SPIRE1: variants seen among roughly 807,000 people sequenced by gnomAD.
SPIRE1 encodes spire type actin nucleation factor 1, also known as protein spire homolog 1.
In SPIRE1, 40 loss-of-function variants were observed where a neutral mutation model predicts 94.1. The observed-to-expected ratio is 0.43, with a 90% CI of 0.33 to 0.55. The LOEUF is 0.55. Among genes scored for constraint, SPIRE1 ranks in the 20% least tolerant of loss-of-function variants. The pLI, the probability that SPIRE1 is intolerant of heterozygous loss-of-function variation, is 0.06. For synonymous variants in SPIRE1, 376 were observed against 371.7 expected (o/e 1.01, Z -0.13); for missense variants, 838 against 975.2 (o/e 0.86, Z 1.87).
At chr18:12,565,835 A>C (rs1276202228) in intron 2 of SPIRE1, among the ~76,000 whole-genome samples, 1 of 151,570 alleles carries the variant, frequency 6.6e-6, no homozygotes, top group Non-Finnish European at 1.5e-5. Flanking sequence ...GAAGTACGAG[A>C]CCAGCCTGGC....
At chr18:12,526,092 C>CACACACACACACACAG (rs765621602) in intron 4 of SPIRE1, among the ~76,000 whole-genome samples, 2,200 of 148,822 alleles carry the variant, frequency 0.015, 37 homozygotes, top group Non-Finnish European at 0.023. Context: ...CACACACACA[C>CACACACACACACACAG]AGAGATGTAT....
At chr18:12,577,654 A>C (rs2036145514) in intron 2 of SPIRE1, among the ~76,000 whole-genome samples, 2 of 152,226 alleles carry the variant, frequency 1.3e-5, no homozygotes, top group Non-Finnish European at 2.9e-5. Flanking sequence ...AAAAGTTGAC[A>C]AATTAGAGTT....
chr18:12,472,800 C>T (rs2032415808), intron 10 of SPIRE1, among the ~76,000 whole-genome samples: 1 of 151,838 alleles, frequency 6.6e-6, no homozygotes, highest in Admixed American at 6.6e-5. Context: ...GCTAGGACTA[C>T]AGGTGTGCAC....
chr18:12,494,594 C>A (rs1049677770), intron 7 of SPIRE1, among the ~76,000 whole-genome samples: 1 of 151,800 alleles, frequency 6.6e-6, no homozygotes, highest in Admixed American at 6.6e-5. Context: ...CTTTGGGAGG[C>A]CGAGGTGGGC....
Position 12,658,088 on chromosome 18 carries a change from G to C in SPIRE1, c.-222C>G, listed in dbSNP as rs1374094980. On this transcript the variant is annotated 5_prime_UTR_variant, in exon 1 of 17. Transcript: ENST00000409402. Reference sequence around the variant, plus strand: ...GTCCCGGTCAGACAGCCGCCGGCCGGTAGCGACGCGATGGCGTCCGGCGCC... The same window carrying C: ...GTCCCGGTCAGACAGCCGCCGGCCGCTAGCGACGCGATGGCGTCCGGCGCC... The C allele has an allele frequency of 6.1e-6, 6 of 991,262 alleles. No homozygotes were observed. The highest frequency in any genetic ancestry group is 1.8e-5 in the African/African-American group (1 of 56,946). 61.4% of individuals were successfully genotyped at this position (991,262 alleles called of 1,614,324 possible). A position where few individuals can be genotyped will look rare whatever the true frequency, so the allele number is the denominator to read the frequency against.
At chr18:12,525,511 C>T (rs1598436137) in intron 4 of SPIRE1, among the ~76,000 whole-genome samples, 1 of 151,504 alleles carries the variant, frequency 6.6e-6, no homozygotes, top group African/African-American at 2.4e-5. Context: ...GAAAATTATA[C>T]CCCTGAAATT....
chr18:12,585,416 T>C (rs1304965295), intron 2 of SPIRE1, among the ~76,000 whole-genome samples: 1 of 152,166 alleles, frequency 6.6e-6, no homozygotes, highest in Non-Finnish European at 1.5e-5. Context: ...TTAAGAGATG[T>C]CGCAATGTCA....
intron 5 of SPIRE1, 56 bp downstream of exon 5, chr18:12,512,398 A>T: frequency 7.4e-7 from 1 of 1,354,184 alleles, no homozygotes; most frequent in South Asian, 1.3e-5. Context: ...AAAAAAAAAA[A>T]AAATTATACT....
chr18:12,491,110 G>A (rs954814075), intron 8 of SPIRE1, among the ~76,000 whole-genome samples: 4 of 151,764 alleles, frequency 2.6e-5, no homozygotes, highest in East Asian at 3.9e-4. Flanking sequence ...ATATCTAGGA[G>A]TAAATTTAAT....
intron 5 of SPIRE1, among the ~76,000 whole-genome samples, chr18:12,509,110 T>A (rs2033940351): frequency 6.6e-6 from 1 of 152,242 alleles, no homozygotes; most frequent in African/African-American, 2.4e-5. Context: ...TCCTGGAGAT[T>A]ATAATTTATC....
Position 12,635,109 on chromosome 18 carries a change from T to C in SPIRE1, c.338-13A>G, listed in dbSNP as rs1354140847. ...TATCCCAATTTACCTGTAATAAAAA[T>C]GAAAAGGATTACTTTAAAAAGATTT... On this transcript the variant is annotated splice_polypyrimidine_tract_variant and intron_variant, in intron 1 of 16. Transcript: ENST00000409402. 8 of 1,331,724 alleles carry C rather than the reference T, an allele frequency of 6.0e-6. No homozygotes were observed. The highest frequency in any genetic ancestry group is 2.2e-5 in the Admixed American group (1 of 45,904). The allele number at this position is 1,331,724 out of a possible 1,614,324, so 82.5% of individuals were successfully genotyped here.
intron 6 of SPIRE1, among the ~76,000 whole-genome samples, chr18:12,504,465 C>T (rs1441602484): frequency 1.3e-5 from 2 of 152,138 alleles, no homozygotes; most frequent in Admixed American, 6.5e-5. Context: ...CAAGATCACG[C>T]CACTGCACTT....
chr18:12,561,006 A>T (rs2144393014), intron 2 of SPIRE1, among the ~76,000 whole-genome samples: 1 of 152,340 alleles, frequency 6.6e-6, no homozygotes, highest in East Asian at 1.9e-4. Context: ...AACACAAAGG[A>T]TAAATGCTTG....
At chr18:12,623,824 C>T (rs546214007) in intron 2 of SPIRE1, among the ~76,000 whole-genome samples, 227 of 152,058 alleles carry the variant, frequency 1.5e-3, no homozygotes, top group Non-Finnish European at 2.8e-3. Flanking sequence ...GCCAGGGTTT[C>T]ACCATATTGG....
At chr18:12,661,951 A>C (rs2038700548), upstream of SPIRE1, 1 of 260,252 alleles carries the variant, frequency 3.8e-6, no homozygotes, top group Non-Finnish European at 7.8e-6. Flanking sequence ...TGTTACTCTG[A>C]ATATGATTTT....
chr18:12,536,642 C>A (rs568876539), intron 3 of SPIRE1, among the ~76,000 whole-genome samples: 3 of 152,312 alleles, frequency 2.0e-5, no homozygotes, highest in African/African-American at 7.2e-5. Flanking sequence ...CCCTAATGTC[C>A]TTTACCATAC....
chr18:12,617,085 C>T (rs765429130), intron 2 of SPIRE1, among the ~76,000 whole-genome samples: 7 of 150,626 alleles, frequency 4.6e-5, no homozygotes, highest in Non-Finnish European at 2.9e-5. Flanking sequence ...GTCTTGGACT[C>T]CTGACCTCAA....
intron 10 of SPIRE1, among the ~76,000 whole-genome samples, chr18:12,465,239 T>C (rs976227774): frequency 2.6e-5 from 4 of 152,146 alleles, no homozygotes; most frequent in African/African-American, 4.8e-5. Flanking sequence ...TGCAGTGGTG[T>C]GATCTGGGCC....
intron 6 of SPIRE1, among the ~76,000 whole-genome samples, chr18:12,502,791 C>T (rs982645464): frequency 6.6e-6 from 1 of 152,098 alleles, no homozygotes; most frequent in African/African-American, 2.4e-5. Context: ...GGTACACAAG[C>T]CACGGCACAC....
Sources: gnomAD v4.1 joint callset for allele counts (sites outside exome capture counted in the v4.1 genomes callset) on GRCh38, gnomAD v4.1.1 for gene constraint, MANE v1.5 for transcripts, NCBI Gene and HGNC (gene_info 2026-07-23, HGNC 2026-07-21) for gene names.